Variants in PGBD5 observed in about 807,000 individuals in gnomAD.
The protein encoded by PGBD5 is piggyBac transposable element derived 5.
Under a neutral mutation model 47.9 loss-of-function variants are expected in PGBD5, and 14 were observed. That is an observed-to-expected ratio of 0.29 (90% CI 0.19 to 0.46). PGBD5 has a LOEUF of 0.46. Among genes scored for constraint, PGBD5 ranks in the 20% least tolerant of loss-of-function variants. The pLI is 1.00. For synonymous variants in PGBD5, 316 were observed against 306.3 expected (o/e 1.03, Z -0.33); for missense variants, 635 against 716.0 (o/e 0.89, Z 1.29).
intron 1 of PGBD5, among the ~76,000 whole-genome samples, chr1:230,402,989 C>T (rs1238741965): frequency 4.6e-5 from 7 of 152,172 alleles, no homozygotes; most frequent in Non-Finnish European, 1.0e-4. Context: ...CCTTTGTGAA[C>T]CGCACATCAC....
At chr1:230,378,717 T>G (rs1278599446) in intron 1 of PGBD5, among the ~76,000 whole-genome samples, 1 of 152,162 alleles carries the variant, frequency 6.6e-6, no homozygotes, top group Non-Finnish European at 1.5e-5. Flanking sequence ...AAGCTTCCCT[T>G]GCAGCCCGTA....
At chr1:230,342,120 G>A (rs1667415193) in intron 3 of PGBD5, among the ~76,000 whole-genome samples, 1 of 152,072 alleles carries the variant, frequency 6.6e-6, no homozygotes, top group Non-Finnish European at 1.5e-5. Context: ...CCAGAGACAG[G>A]ATCTAGTTCA....
intron 1 of PGBD5, among the ~76,000 whole-genome samples, chr1:230,376,739 G>C (rs78698802): frequency 0.047 from 7,200 of 152,262 alleles, 188 homozygotes; most frequent in South Asian, 0.072. Context: ...AGGTGACTCA[G>C]TTTTCTCCTC....
At chr1:230,374,026 C>T (rs1290424313) in intron 1 of PGBD5, among the ~76,000 whole-genome samples, 2 of 152,032 alleles carry the variant, frequency 1.3e-5, no homozygotes, top group African/African-American at 2.4e-5. Flanking sequence ...AAATGAAATG[C>T]CCACAAATTG....
intron 6 of PGBD5, among the ~76,000 whole-genome samples, chr1:230,324,787 G>A (rs542631502): frequency 4.6e-5 from 7 of 152,314 alleles, no homozygotes; most frequent in African/African-American, 1.7e-4. Context: ...TCTATGCTGT[G>A]TGTAAACTAT....
intron 5 of PGBD5, among the ~76,000 whole-genome samples, chr1:230,331,315 C>A (rs1297019984): frequency 6.6e-6 from 1 of 152,116 alleles, no homozygotes; most frequent in Admixed American, 6.5e-5. Context: ...ACTTGGGAGG[C>A]TGAGGTGGGA....
In PGBD5 at chr1:230,320,242, C is replaced by G. The variant is rs563816378; in HGVS notation, c.*3183G>C. On this transcript the variant is annotated 3_prime_UTR_variant, in exon 7 of 7. Transcript: ENST00000391860. ...GGAACCTGATCAAGTAGGCACCAAA[C>G]AGAAACAGACATTCACTCAATGAAG... 1 of 152,090 alleles carries G rather than the reference C, an allele frequency of 6.6e-6. No individual in the cohort carries two copies. The highest frequency in any genetic ancestry group is 1.9e-4 in the East Asian group (1 of 5,160). The allele number at this position is 152,090 out of a possible 1,614,324, so 9.4% of individuals were successfully genotyped here. A position where few individuals can be genotyped will look rare whatever the true frequency, so the allele number is the denominator to read the frequency against.
chr1:230,332,045 G>A (rs80011589), intron 5 of PGBD5, among the ~76,000 whole-genome samples: 1 of 534 alleles, frequency 1.9e-3, no homozygotes, highest in Non-Finnish European at 3.8e-3. Flanking sequence ...ACCACACACA[G>A]CACACACAAC....
intron 1 of PGBD5, among the ~76,000 whole-genome samples, chr1:230,420,511 G>A (rs1004520791): frequency 1.3e-5 from 2 of 152,198 alleles, no homozygotes; most frequent in Non-Finnish European, 1.5e-5. Context: ...GGCGGGGCCA[G>A]GTGGAGATAA....
At chr1:230,393,535 A>T (rs753185074) in intron 1 of PGBD5, among the ~76,000 whole-genome samples, 6 of 152,148 alleles carry the variant, frequency 3.9e-5, no homozygotes, top group Non-Finnish European at 7.3e-5. Flanking sequence ...CCTCAGAAGG[A>T]GCTCAGAAAA....
chr1:230,315,222 A>C lies in PGBD5; in HGVS notation c.*8203T>G, dbSNP rs10779842. The C allele has an allele frequency of 0.83, 126,419 of 152,154 alleles. 52,972 individuals are homozygous for C. The highest frequency in any genetic ancestry group is 0.94 in the East Asian group (4,843 of 5,156). 9.4% of individuals were successfully genotyped at this position (152,154 alleles called of 1,614,324 possible). A position where few individuals can be genotyped will look rare whatever the true frequency, so the allele number is the denominator to read the frequency against. The stretch of plus-strand genomic sequence containing the variant: ...CCTCACCCCCCACCAGAGTTCCCTG[A>C]AGGAACCAGCTGCCTCTAGTGGGAG... On this transcript the variant is annotated 3_prime_UTR_variant, in exon 7 of 7. Coordinates refer to ENST00000391860, the MANE Select transcript of PGBD5 (RefSeq NM_001258311.2).
At chr1:230,362,303 G>A (rs772036729) in intron 1 of PGBD5, 12 of 1,367,780 alleles carry the variant, frequency 8.8e-6, no homozygotes, top group South Asian at 1.1e-5. Flanking sequence ...TTCCCCACGG[G>A]TGTGCAGGGC....
At chr1:230,376,783 AG>A (rs375389599) in intron 1 of PGBD5, among the ~76,000 whole-genome samples, 1 of 152,174 alleles carries the variant, frequency 6.6e-6, no homozygotes, top group African/African-American at 2.4e-5. Context: ...GGGATGTCTA[AG>A]GTTCTTTCTG....
rs201327196 is a variant in PGBD5, at chr1:230,393,848, T to A, written c.331+31750A>T. On this transcript the variant is annotated intron_variant, in intron 1 of 6. Coordinates refer to ENST00000391860, the MANE Select transcript of PGBD5 (RefSeq NM_001258311.2). ...TCAAAAAAAAAAAAAAAAAAAATAA[T>A]AGGCCCGGGGCCCGCCAGTCCACAG... Among the ~76,000 whole-genome samples the A allele has an allele frequency of 2.0e-3, 231 of 116,166 alleles. 6 individuals are homozygous for A. Among genetic ancestry groups the A allele is most frequent in the Middle Eastern group, 4.8e-3 (1 of 210 alleles). The allele number at this position is 116,166 out of a possible 152,430, so 76.2% of individuals were successfully genotyped here. A position where few individuals can be genotyped will look rare whatever the true frequency, so the allele number is the denominator to read the frequency against.
chr1:230,425,816 G>A lies in PGBD5; in HGVS notation c.113C>T (p.Pro38Leu). 1 of 1,208,504 alleles carries A rather than the reference G, an allele frequency of 8.3e-7. No homozygotes were observed. Among genetic ancestry groups the A allele is most frequent in the Non-Finnish European group, 1.0e-6 (1 of 973,172 alleles). 74.9% of individuals were successfully genotyped at this position (1,208,504 alleles called of 1,614,324 possible). The stretch of plus-strand genomic sequence containing the variant: ...GTAGAAGGGGTTCCCGCCGCTGTCC[G>A]GGCCGGACTCGCCGAACACGTCGTC... The part of the protein sequence containing the change: ...ISDDVFGESG[P>L]DSGGNPFYST... The change falls in exon 1 of 7, where the codon CCG becomes CTG. Residue 38 changes from proline to leucine, a missense_variant. Transcript: ENST00000391860. The surrounding 1 kb of genome is among the most constrained non-coding windows in gnomAD (Gnocchi z 4.7).
At position 230,332,825 on chromosome 1, in the gene PGBD5, A is replaced by C; in HGVS notation, c.1273+19T>G. 6.2e-7 allele frequency: 1 copy of C among 1,613,972 alleles called. No homozygotes were observed. The highest frequency in any genetic ancestry group is 8.5e-7 in the Non-Finnish European group (1 of 1,179,920). ...AATCCCCGCGCGCCCCACTGTGTCA[A>C]TGGCGGACCCGCACTCACCCTGCTG... On this transcript the variant is annotated intron_variant, in intron 5 of 6. Coordinates refer to ENST00000391860, the MANE Select transcript of PGBD5 (RefSeq NM_001258311.2).
intron 2 of PGBD5, among the ~76,000 whole-genome samples, chr1:230,355,915 C>A (rs1217661641): frequency 6.6e-6 from 1 of 152,088 alleles, no homozygotes; most frequent in East Asian, 1.9e-4. Flanking sequence ...CACTGCCTTC[C>A]CCACAAAAAC....
At chr1:230,370,092 G>A (rs146926197) in intron 1 of PGBD5, among the ~76,000 whole-genome samples, 86 of 152,350 alleles carry the variant, frequency 5.6e-4, no homozygotes, top group Non-Finnish European at 8.2e-4. Flanking sequence ...GATGCAGAAC[G>A]TAACACGGAA....
chr1:230,325,734 C>T (rs984905439), intron 5 of PGBD5, among the ~76,000 whole-genome samples: 3 of 152,106 alleles, frequency 2.0e-5, no homozygotes, highest in African/African-American at 2.4e-5. Flanking sequence ...GTGCTGCATC[C>T]GACTGGGCCT....
Sources: gnomAD v4.1 joint callset for allele counts (sites outside exome capture counted in the v4.1 genomes callset) on GRCh38, gnomAD v4.1.1 for gene constraint, Gnocchi (gnomAD v3.1) non-coding constraint, MANE v1.5 for transcripts, NCBI Gene and HGNC (gene_info 2026-07-23, HGNC 2026-07-21) for gene names.